The following SPRR2G variants were observed in gnomAD, a reference collection of about 807,000 sequenced individuals.
SPRR2G encodes small proline-rich protein 2G.
In SPRR2G, 1 loss-of-function variant was observed where a neutral mutation model predicts 0.7. The observed-to-expected ratio is 1.49, with a 90% confidence interval of 0.53 to 7.06. The LOEUF (loss-of-function observed/expected upper bound fraction) is 7.06, where lower values mean the gene tolerates loss of function less well. Among genes scored for constraint, SPRR2G ranks in the 30% most tolerant of loss-of-function variants. The pLI is 0.14. For missense variants in SPRR2G, 96 were observed against 88.5 expected (o/e 1.09, Z -0.34); for synonymous variants, 38 against 33.9 (o/e 1.12, Z -0.42).
At chr1:153,155,052 G>A (rs1039123877), upstream of SPRR2G, among the ~76,000 whole-genome samples, 5 of 151,940 alleles carry the variant, frequency 3.3e-5, no homozygotes. Flanking sequence ...TCCTTGATCT[G>A]AACCTCTTCT....
chr1:153,194,429 A>T, the SPRR2G span, among the ~76,000 whole-genome samples: 1 of 152,196 alleles, frequency 6.6e-6, no homozygotes, highest in South Asian at 2.1e-4. Flanking sequence ...ACAGTTGATA[A>T]ACTTAGGAAG....
At chr1:153,185,996 T>C in the SPRR2G span, among the ~76,000 whole-genome samples, 4 of 152,244 alleles carry the variant, frequency 2.6e-5, no homozygotes, top group East Asian at 7.7e-4. Flanking sequence ...AGGGGCAGGT[T>C]GTTCAGTTTC....
Position 153,150,089 on chromosome 1 carries a change from A to G in SPRR2G, c.22T>C (p.Cys8Arg), listed in dbSNP as rs1361102868. 6.2e-7 allele frequency: 1 copy of G among 1,612,488 alleles called. No individual in the cohort carries two copies. Among genetic ancestry groups the G allele is most frequent in the Non-Finnish European group, 8.5e-7 (1 of 1,179,848 alleles). The change falls in exon 2 of 2, where the codon TGC becomes CGC. Residue 8 changes from cysteine to arginine, a missense_variant. Coordinates refer to ENST00000368748, the MANE Select transcript of SPRR2G (RefSeq NM_001014291.4). MSYQQQQ[C>R]KQPCQPPPVC... ...GGAGGTGGCTGGCAGGGCTGCTTGC[A>G]CTGCTGCTGCTGGTAAGACATCTCT...
chr1:153,156,599 C>T, the SPRR2G span, among the ~76,000 whole-genome samples: 1 of 152,022 alleles, frequency 6.6e-6, no homozygotes, highest in Non-Finnish European at 1.5e-5. Context: ...CCCTATCCTC[C>T]CTCACCCTCA....
the SPRR2G span, among the ~76,000 whole-genome samples, chr1:153,181,484 AT>A: frequency 6.6e-6 from 1 of 152,270 alleles, no homozygotes; most frequent in South Asian, 2.1e-4. Context: ...GCTCACTCTA[AT>A]ATCAGTCATT....
the SPRR2G span, among the ~76,000 whole-genome samples, chr1:153,165,536 T>C: frequency 6.6e-6 from 1 of 152,186 alleles, no homozygotes; most frequent in Non-Finnish European, 1.5e-5. Flanking sequence ...TCAGGGACCA[T>C]TGTTCTAACA....
chr1:153,157,116 A>G, the SPRR2G span, among the ~76,000 whole-genome samples: 1 of 152,212 alleles, frequency 6.6e-6, no homozygotes, highest in East Asian at 1.9e-4. Flanking sequence ...TCATAAAATC[A>G]AAAATATTGT....
the SPRR2G span, among the ~76,000 whole-genome samples, chr1:153,175,393 C>G: frequency 0.078 from 11,820 of 152,230 alleles, 485 homozygotes; most frequent in African/African-American, 0.11. Context: ...TTGGCTGTTC[C>G]CGTAAGTCCA....
the SPRR2G span, among the ~76,000 whole-genome samples, chr1:153,202,416 T>C: frequency 6.6e-6 from 1 of 152,198 alleles, no homozygotes; most frequent in Admixed American, 6.5e-5. Context: ...TAAACTCTTG[T>C]CTCTTTGATG....
the SPRR2G span, among the ~76,000 whole-genome samples, chr1:153,169,601 G>A: frequency 6.7e-6 from 1 of 150,254 alleles, no homozygotes; most frequent in Non-Finnish European, 1.5e-5. Flanking sequence ...AAGTGGTTCT[G>A]GCCAGTCAAC....
chr1:153,175,575 T>C, the SPRR2G span, among the ~76,000 whole-genome samples: 1 of 152,230 alleles, frequency 6.6e-6, no homozygotes, highest in Admixed American at 6.5e-5. Flanking sequence ...CAAACTCTCA[T>C]GGATTCTTTC....
At chr1:153,192,582 T>C in the SPRR2G span, among the ~76,000 whole-genome samples, 1 of 152,198 alleles carries the variant, frequency 6.6e-6, no homozygotes, top group African/African-American at 2.4e-5. Flanking sequence ...GATTATAGGT[T>C]CCTGGGTCCC....
chr1:153,159,027 T>C, the SPRR2G span, among the ~76,000 whole-genome samples: 1 of 152,194 alleles, frequency 6.6e-6, no homozygotes, highest in African/African-American at 2.4e-5. Flanking sequence ...TCTAGGCCTC[T>C]GTGCCTATGA....
chr1:153,150,067 G>A lies in SPRR2G; in HGVS notation c.44C>T (p.Pro15Leu), dbSNP rs1304394685. 17 of 1,613,134 alleles carry A rather than the reference G, an allele frequency of 1.1e-5. 1 individual carries two copies. The highest frequency in any genetic ancestry group is 1.4e-5 in the Non-Finnish European group (17 of 1,179,864). The change falls in exon 2 of 2, where the codon CCT becomes CTT. Residue 15 changes from proline to leucine, a missense_variant. Physicochemically the swap from Pro to Leu is moderately conservative, Grantham distance 98. Coordinates refer to ENST00000368748, the MANE Select transcript of SPRR2G (RefSeq NM_001014291.4). ...QQQCKQPCQP[P>L]PVCPTPKCPE... is the part of the protein sequence containing the mutation. ...GCACTTTGGCGTGGGGCACACAGGA[G>A]GTGGCTGGCAGGGCTGCTTGCACTG...
chr1:153,160,518 A>G, the SPRR2G span, among the ~76,000 whole-genome samples: 71,332 of 146,106 alleles, frequency 0.49, 17,564 homozygotes, highest in Non-Finnish European at 0.56. Context: ...TGCCAACAGT[A>G]TGTAAGTGCT....
chr1:153,183,196 C>T, the SPRR2G span, among the ~76,000 whole-genome samples: 530 of 135,356 alleles, frequency 3.9e-3, 8 homozygotes, highest in African/African-American at 0.013. Context: ...TGTGTGGTGG[C>T]GCATGCCTGT....
chr1:153,179,408 T>C, the SPRR2G span, among the ~76,000 whole-genome samples: 1 of 152,158 alleles, frequency 6.6e-6, no homozygotes, highest in African/African-American at 2.4e-5. Flanking sequence ...TTCAAGGAAT[T>C]TGTGCTTTTC....
chr1:153,196,444 T>G, the SPRR2G span, among the ~76,000 whole-genome samples: 1 of 152,256 alleles, frequency 6.6e-6, no homozygotes. Flanking sequence ...TACCACATTT[T>G]CTTCATTCAT....
At chr1:153,163,180 A>G in the SPRR2G span, among the ~76,000 whole-genome samples, 6 of 152,226 alleles carry the variant, frequency 3.9e-5, no homozygotes, top group South Asian at 1.2e-3. Context: ...TGATCACAAC[A>G]TGGAAAAAGT....
Sources: allele counts gnomAD v4.1 joint callset (sites outside exome capture counted in the v4.1 genomes callset), GRCh38; gene constraint gnomAD v4.1.1; transcripts MANE v1.5; gene names NCBI Gene and HGNC (gene_info 2026-07-23, HGNC 2026-07-21).